The following MPP7 variants were observed in gnomAD, a reference collection of about 807,000 sequenced individuals.
MPP7 encodes the protein MAGUK p55 subfamily member 7.
A neutral mutation model predicts 76.5 loss-of-function variants in MPP7; 60 were observed. The observed-to-expected ratio is 0.78, with a 90% confidence interval of 0.64 to 0.97. MPP7 has a LOEUF of 0.97. MPP7 is among the 50% of genes least tolerant of loss of function. The pLI is 0.00. For synonymous variants in MPP7, 237 were observed against 244.5 expected (o/e 0.97, Z 0.29); for missense variants, 641 against 694.0 (o/e 0.92, Z 0.86).
chr10:28,236,449 G>A (rs11006938), intron 2 of MPP7, among the ~76,000 whole-genome samples: 15,957 of 151,738 alleles, frequency 0.11, 1,304 homozygotes, highest in East Asian at 0.41. Context: ...AATAAATAGG[G>A]CATAACAAAA....
At chr10:28,196,003 C>T (rs1837569317) in intron 3 of MPP7, among the ~76,000 whole-genome samples, 1 of 152,080 alleles carries the variant, frequency 6.6e-6, no homozygotes, top group African/African-American at 2.4e-5. Context: ...TTGATGACTC[C>T]CAAATAAGAG....
intron 11 of MPP7, chr10:28,118,963 A>G: frequency 2.0e-6 from 2 of 985,428 alleles, no homozygotes; most frequent in Non-Finnish European, 2.4e-6. Context: ...AATACCTAGA[A>G]CCATGAAACA....
intron 10 of MPP7, 82 bp from the exon 11 acceptor site, chr10:28,119,797 G>A: frequency 8.8e-7 from 1 of 1,130,832 alleles, no homozygotes; most frequent in South Asian, 1.4e-5. Context: ...TTAGTCTTAA[G>A]AAAAAACTTA....
At chr10:28,103,420 C>T (rs1401884638) in intron 11 of MPP7, among the ~76,000 whole-genome samples, 1 of 152,170 alleles carries the variant, frequency 6.6e-6, no homozygotes, top group Non-Finnish European at 1.5e-5. Context: ...AGGGCCTTTG[C>T]ACATGCTTGT....
intron 1 of MPP7, among the ~76,000 whole-genome samples, chr10:28,271,014 G>A (rs569496110): frequency 6.6e-6 from 1 of 152,250 alleles, no homozygotes; most frequent in Admixed American, 6.5e-5. Context: ...AGGCAGAACT[G>A]TTGTACCTTG....
intron 2 of MPP7, among the ~76,000 whole-genome samples, chr10:28,235,193 C>A: frequency 6.6e-6 from 1 of 151,166 alleles, no homozygotes. Flanking sequence ...GAATGAGATC[C>A]TGGAACAAAA....
intron 7 of MPP7, 56 bp from the exon 8 acceptor site, chr10:28,124,172 T>C (rs962686265): frequency 1.6e-5 from 18 of 1,131,006 alleles, no homozygotes; most frequent in Non-Finnish European, 2.3e-5. Context: ...AAAACTGTAA[T>C]TTGCAGCTGT....
intron 11 of MPP7, among the ~76,000 whole-genome samples, chr10:28,094,215 C>CT (rs941624479): frequency 6.6e-6 from 1 of 152,104 alleles, no homozygotes; most frequent in Non-Finnish European, 1.5e-5. Flanking sequence ...GCTTCAGTGC[C>CT]TTAATGCACA....
chr10:28,105,916 G>A (rs1834308994), intron 11 of MPP7, among the ~76,000 whole-genome samples: 1 of 152,114 alleles, frequency 6.6e-6, no homozygotes, highest in African/African-American at 2.4e-5. Context: ...CAGTTTGTAG[G>A]TCTAACAAAA....
intron 3 of MPP7, among the ~76,000 whole-genome samples, chr10:28,178,411 G>A (rs769357798): frequency 2.6e-5 from 4 of 151,768 alleles, no homozygotes; most frequent in Non-Finnish European, 5.9e-5. Flanking sequence ...GCAGACATTT[G>A]AGGAAAGCCC....
At position 28,084,157 on chromosome 10, in the gene MPP7, A is replaced by T. The variant is rs537836357; in HGVS notation, c.1123+5514T>A. Among the ~76,000 whole-genome samples, 10 of 152,356 alleles carry T rather than the reference A, an allele frequency of 6.6e-5. No homozygotes were observed. The South Asian group carries it at 2.1e-3, about 32-fold the overall frequency. On this transcript the variant is annotated intron_variant, in intron 12 of 16. Coordinates refer to ENST00000683449, the MANE Select transcript of MPP7 (RefSeq NM_001318170.2). The stretch of plus-strand genomic sequence containing the variant: ...AAATATTGCTGAGCAAATCCTGAAC[A>T]GCAGAAAGATTAAGAGGAAACCAAA...
At chr10:28,308,680 A>C (rs1841272742) in intron 2 of MPP7, among the ~76,000 whole-genome samples, 1 of 151,992 alleles carries the variant, frequency 6.6e-6, no homozygotes, top group Non-Finnish European at 1.5e-5. Context: ...CAGGAGGCTG[A>C]GGCAGGAGGA....
intron 2 of MPP7, among the ~76,000 whole-genome samples, chr10:28,210,193 T>C (rs1305258770): frequency 6.6e-6 from 1 of 152,220 alleles, no homozygotes; most frequent in African/African-American, 2.4e-5. Flanking sequence ...GGCAGATCAC[T>C]GGACTTCTCG....
chr10:28,213,987 C>T (rs1169060919), intron 2 of MPP7, among the ~76,000 whole-genome samples: 7 of 151,864 alleles, frequency 4.6e-5, no homozygotes, highest in Middle Eastern at 3.4e-3. Context: ...TCTAGGTGGC[C>T]GAGAGCCTTC....
chr10:28,234,751 C>T (rs1377922838), intron 2 of MPP7, among the ~76,000 whole-genome samples: 2 of 152,176 alleles, frequency 1.3e-5, no homozygotes, highest in African/African-American at 4.8e-5. Context: ...CTCCTCAAAA[C>T]TCTCAAGATT....
intron 3 of MPP7, among the ~76,000 whole-genome samples, chr10:28,186,056 T>C (rs1451512565): frequency 6.6e-6 from 1 of 152,118 alleles, no homozygotes; most frequent in Admixed American, 6.6e-5. Flanking sequence ...ATCAGAAGCA[T>C]ACAGTATTGG....
intron 12 of MPP7, among the ~76,000 whole-genome samples, chr10:28,079,577 C>A (rs1852663876): frequency 6.6e-6 from 1 of 152,016 alleles, no homozygotes; most frequent in Non-Finnish European, 1.5e-5. Flanking sequence ...AGAAGCGCAC[C>A]CAAAACCATA....
chr10:28,300,377 A>G (rs186776487), intron 1 of MPP7, among the ~76,000 whole-genome samples: 10 of 152,338 alleles, frequency 6.6e-5, no homozygotes, highest in East Asian at 1.9e-4. Flanking sequence ...GTGTCCCACA[A>G]TGCAAGAGGG....
At chr10:28,189,339 G>A (rs1837331850) in intron 3 of MPP7, among the ~76,000 whole-genome samples, 3 of 151,962 alleles carry the variant, frequency 2.0e-5, no homozygotes, top group Admixed American at 6.6e-5. Context: ...AAGGCGGGAG[G>A]ATCACTTGAG....
Sources: gnomAD v4.1 joint callset for allele counts (sites outside exome capture counted in the v4.1 genomes callset) on GRCh38, gnomAD v4.1.1 for gene constraint, MANE v1.5 for transcripts, NCBI Gene and HGNC (gene_info 2026-07-23, HGNC 2026-07-21) for gene names.